ESRRG: variants seen among roughly 807,000 people sequenced by gnomAD.
ESRRG encodes the protein estrogen-related receptor gamma.
In ESRRG, 13 loss-of-function variants were observed where a neutral mutation model predicts 44.0. The ratio of observed to expected loss-of-function variants is 0.30; its 90% CI spans 0.19 to 0.47. The LOEUF (loss-of-function observed/expected upper bound fraction) is 0.47, where lower values mean the gene tolerates loss of function less well. ESRRG is among the 20% of genes least tolerant of loss of function. ESRRG has a pLI of 1.00. For synonymous variants in ESRRG, 215 were observed against 214.6 expected (o/e 1.00, Z -0.02); for missense variants, 395 against 580.6 (o/e 0.68, Z 3.29).
intron 1 of ESRRG, among the ~76,000 whole-genome samples, chr1:216,702,064 A>T (rs896671796): frequency 6.6e-6 from 1 of 152,212 alleles, no homozygotes; most frequent in African/African-American, 2.4e-5. Flanking sequence ...GATAATTATA[A>T]AGTCAGAATT....
At chr1:216,852,281 G>GC (rs1479184387) in intron 2 of ESRRG, among the ~76,000 whole-genome samples, 5,095 of 152,162 alleles carry the variant, frequency 0.033, 298 homozygotes, top group African/African-American at 0.11. Context: ...TTGGCACTCA[G>GC]TTACAATGAT....
intron 1 of ESRRG, among the ~76,000 whole-genome samples, chr1:217,009,612 G>A (rs2078243226): frequency 6.6e-6 from 1 of 151,578 alleles, no homozygotes; most frequent in Non-Finnish European, 1.5e-5. Context: ...AGGCCTGAAA[G>A]TTTGCTTAAG....
chr1:216,717,224 T>C (rs2085091819), intron 1 of ESRRG, among the ~76,000 whole-genome samples: 1 of 151,874 alleles, frequency 6.6e-6, no homozygotes, highest in Non-Finnish European at 1.5e-5. Context: ...GGATAATTGA[T>C]TAGAAAACAC....
rs1343543374 is a variant in ESRRG, at chr1:217,052,175, A to G, written c.-106+37332T>C. On this transcript the variant is annotated intron_variant, in intron 1 of 7. Coordinates refer to the ESRRG transcript ENST00000359162. ...CTCGATCAGAATGATTTCAAGATGT[A>G]GAGGAAGACATACTAAGAATGCAAA... 1.3e-5 allele frequency among the ~76,000 whole-genome samples: 2 copies of G among 152,240 alleles called. 1 individual carries two copies. Among genetic ancestry groups the G allele is most frequent in the African/African-American group, 4.8e-5 (2 of 41,478 alleles).
intron 3 of ESRRG, among the ~76,000 whole-genome samples, chr1:216,584,149 T>C (rs1337213285): frequency 6.6e-6 from 1 of 152,188 alleles, no homozygotes; most frequent in Non-Finnish European, 1.5e-5. Flanking sequence ...CCAAACACTT[T>C]AATTATGTAT....
At chr1:216,529,945 C>T (rs1274239399) in intron 5 of ESRRG, among the ~76,000 whole-genome samples, 1 of 151,608 alleles carries the variant, frequency 6.6e-6, no homozygotes, top group African/African-American at 2.4e-5. Context: ...AACCCCATCT[C>T]TACTAAATAT....
intron 1 of ESRRG, among the ~76,000 whole-genome samples, chr1:216,707,937 C>A (rs985358745): frequency 6.6e-6 from 1 of 152,032 alleles, no homozygotes; most frequent in Non-Finnish European, 1.5e-5. Flanking sequence ...GTACCCATAA[C>A]CTAATTACTG....
At chr1:216,788,526 T>C (rs1002974328) in intron 2 of ESRRG, among the ~76,000 whole-genome samples, 1 of 152,112 alleles carries the variant, frequency 6.6e-6, no homozygotes, top group African/African-American at 2.4e-5. Context: ...GCCAATTGAC[T>C]ATGTACTGGT....
intron 2 of ESRRG, among the ~76,000 whole-genome samples, chr1:216,911,306 T>C (rs768537261): frequency 1.3e-5 from 2 of 152,056 alleles, no homozygotes; most frequent in Non-Finnish European, 2.9e-5. Flanking sequence ...AAAGACGAAC[T>C]ATCAAGCCAT....
chr1:216,903,752 TA>T, intron 2 of ESRRG, among the ~76,000 whole-genome samples: 1 of 152,202 alleles, frequency 6.6e-6, no homozygotes, highest in East Asian at 1.9e-4. Context: ...CTGGTTAAAC[TA>T]AATGCCCCTG....
At chr1:216,956,117 A>G (rs1211342719) in intron 1 of ESRRG, among the ~76,000 whole-genome samples, 1 of 152,092 alleles carries the variant, frequency 6.6e-6, no homozygotes, top group East Asian at 1.9e-4. Flanking sequence ...ATCTTTTCCT[A>G]GACCAATGTC....
chr1:216,505,869 G>A lies in ESRRG; in HGVS notation c.*1070C>T, dbSNP rs2041102041. ...TCCCATATTAATAAATGGCTGAAAAGTGGTAAAGCTGGTACAAAAAAATCT... is the reference window on the plus strand; with the variant it reads ...TCCCATATTAATAAATGGCTGAAAAATGGTAAAGCTGGTACAAAAAAATCT... On this transcript the variant is annotated 3_prime_UTR_variant, in exon 7 of 7. Transcript: ENST00000408911. 1 of 152,602 alleles carries A rather than the reference G, an allele frequency of 6.6e-6. No homozygotes were observed. Among genetic ancestry groups the A allele is most frequent in the Non-Finnish European group, 1.5e-5 (1 of 68,036 alleles). The allele number at this position is 152,602 out of a possible 1,614,324, so 9.5% of individuals were successfully genotyped here.
intron 1 of ESRRG, among the ~76,000 whole-genome samples, chr1:216,685,013 G>A (rs2077666937): frequency 6.6e-6 from 1 of 152,136 alleles, no homozygotes. Context: ...ACAGCAGATG[G>A]AAAAACAAGC....
At position 217,067,472 on chromosome 1, in the gene ESRRG, A is replaced by G. The variant is rs374377952; in HGVS notation, c.-106+22035T>C. Among the ~76,000 whole-genome samples, 17 of 152,346 alleles carry G rather than the reference A, an allele frequency of 1.1e-4. 1 individual carries two copies. Among genetic ancestry groups the G allele is most frequent in the African/African-American group, 3.6e-4 (15 of 41,588 alleles). The stretch of plus-strand genomic sequence containing the variant: ...GACACTCTAAAAGTAATGTTGAAAT[A>G]TTAGTTGCTGCCAGTTAATGATGGT... On this transcript the variant is annotated intron_variant, in intron 1 of 7. Coordinates refer to the ESRRG transcript ENST00000359162.
intron 1 of ESRRG, among the ~76,000 whole-genome samples, chr1:216,683,723 T>G: frequency 6.6e-6 from 1 of 152,222 alleles, no homozygotes; most frequent in Non-Finnish European, 1.5e-5. Flanking sequence ...AAGTGTCCCA[T>G]GCATTATAAT....
At chr1:216,851,784 G>A (rs1428896982) in intron 2 of ESRRG, among the ~76,000 whole-genome samples, 2 of 152,168 alleles carry the variant, frequency 1.3e-5, no homozygotes, top group Non-Finnish European at 2.9e-5. Context: ...ACCCGGCTAA[G>A]GATCCTTTTA....
At chr1:216,736,385 G>T (rs2089922176) in intron 2 of ESRRG, among the ~76,000 whole-genome samples, 1 of 151,680 alleles carries the variant, frequency 6.6e-6, no homozygotes, top group Non-Finnish European at 1.5e-5. Context: ...GGGTTTCACC[G>T]TGTTAGCCAG....
chr1:216,605,683 C>T (rs780510482), intron 3 of ESRRG, among the ~76,000 whole-genome samples: 5 of 151,804 alleles, frequency 3.3e-5, no homozygotes, highest in Non-Finnish European at 7.4e-5. Flanking sequence ...AAGACATTTG[C>T]TATATTATGT....
At chr1:216,939,360 A>AAAAAAAAAAAAACAAC (rs2064787702) in intron 2 of ESRRG, among the ~76,000 whole-genome samples, 1 of 142,366 alleles carries the variant, frequency 7.0e-6, no homozygotes, top group African/African-American at 2.9e-5. Flanking sequence ...AAAAAAAAAA[A>AAAAAAAAAAAAACAAC]AAAAAAAAAA....
Sources: allele counts gnomAD v4.1 joint callset (sites outside exome capture counted in the v4.1 genomes callset), GRCh38; gene constraint gnomAD v4.1.1; transcripts MANE v1.5; gene names NCBI Gene and HGNC (gene_info 2026-07-23, HGNC 2026-07-21).